DNAH11: variants seen among roughly 807,000 people sequenced by gnomAD.
DNAH11 encodes the protein dynein axonemal heavy chain 11.
Under a neutral mutation model 526.0 loss-of-function variants are expected in DNAH11, and 442 were observed. The ratio of observed to expected loss-of-function variants is 0.84; its 90% CI spans 0.78 to 0.91. The LOEUF (loss-of-function observed/expected upper bound fraction) is 0.91. Among genes scored for constraint, DNAH11 ranks in the 40% least tolerant of loss-of-function variants. DNAH11 has a pLI of 0.00. For synonymous variants in DNAH11, 2,461 were observed against 1,935.9 expected (o/e 1.27, Z -7.12); for missense variants, 6,989 against 5,448.7 (o/e 1.28, Z -8.90).
chr7:21,570,302 A>C lies in DNAH11; in HGVS notation c.1425+3A>C. The C allele has an allele frequency of 6.3e-7, 1 of 1,584,048 alleles. No homozygotes were observed. ...TTGATCGTTTAATAAAAATAGAGGTATTCATTTTTTGATTTTATTTATTCA... is the reference window on the plus strand; with the variant it reads ...TTGATCGTTTAATAAAAATAGAGGTCTTCATTTTTTGATTTTATTTATTCA... On this transcript the variant is annotated splice_donor_region_variant and intron_variant, in intron 7 of 81. Transcript: ENST00000409508.
chr7:21,794,148 C>G (rs1788603596), intron 61 of DNAH11, among the ~76,000 whole-genome samples: 1 of 152,116 alleles, frequency 6.6e-6, no homozygotes, highest in South Asian at 2.1e-4. Flanking sequence ...TTCTGAATTG[C>G]TTTTCTGTAT....
intron 8 of DNAH11, among the ~76,000 whole-genome samples, chr7:21,574,466 A>G (rs1337012745): frequency 6.6e-6 from 1 of 152,006 alleles, no homozygotes; most frequent in Non-Finnish European, 1.5e-5. Context: ...ACCTGAGATT[A>G]TAGTTTCCAG....
At chr7:21,819,118 C>G (rs1789943321) in intron 65 of DNAH11, among the ~76,000 whole-genome samples, 2 of 152,190 alleles carry the variant, frequency 1.3e-5, no homozygotes, top group Admixed American at 6.5e-5. Context: ...CCTCTTCACA[C>G]AACCGACATT....
intron 1 of DNAH11, chr7:21,543,899 G>T (rs1046402622): frequency 7.3e-5 from 31 of 425,202 alleles, no homozygotes; most frequent in Non-Finnish European, 9.1e-5. Flanking sequence ...GGTGTTAGGC[G>T]CCAGGTGGGC....
intron 9 of DNAH11, among the ~76,000 whole-genome samples, chr7:21,587,385 T>C (rs1229801679): frequency 6.6e-6 from 1 of 152,144 alleles, no homozygotes; most frequent in African/African-American, 2.4e-5. Flanking sequence ...GTTGACTTCC[T>C]CTGCTTGCTA....
chr7:21,730,281 G>A (rs184516214), intron 45 of DNAH11, among the ~76,000 whole-genome samples: 70 of 152,304 alleles, frequency 4.6e-4, no homozygotes, highest in Non-Finnish European at 1.6e-4. Flanking sequence ...ACACACAATG[G>A]CATACAGGTT....
chr7:21,871,336 A>G (rs917786035), intron 73 of DNAH11, among the ~76,000 whole-genome samples: 2 of 152,224 alleles, frequency 1.3e-5, no homozygotes, highest in Admixed American at 6.5e-5. Context: ...GTGTTGCACA[A>G]GCATTGCTGT....
In DNAH11 at chr7:21,619,094, A is replaced by G; in HGVS notation, c.4255-6A>G. 1 of 1,613,146 alleles carries G rather than the reference A, an allele frequency of 6.2e-7. No homozygotes were observed. The highest frequency in any genetic ancestry group is 8.5e-7 in the Non-Finnish European group (1 of 1,179,478). On this transcript the variant is annotated splice_region_variant and splice_polypyrimidine_tract_variant and intron_variant, in intron 23 of 81. Transcript: ENST00000409508. The stretch of plus-strand genomic sequence containing the variant: ...TATAAAGTCTAACTTTTTTTCCCCC[A>G]ATCAGGTCAAGTTTTTAATAAATGA...
chr7:21,579,856 G>A (rs974337514), intron 8 of DNAH11, among the ~76,000 whole-genome samples: 3 of 152,186 alleles, frequency 2.0e-5, no homozygotes, highest in Non-Finnish European at 4.4e-5. Context: ...TAGTTAGAAA[G>A]TGATTAACAG....
At chr7:21,777,384 A>G (rs1787724199) in intron 56 of DNAH11, among the ~76,000 whole-genome samples, 1 of 151,880 alleles carries the variant, frequency 6.6e-6, no homozygotes, top group African/African-American at 2.4e-5. Context: ...GCTGTTATGA[A>G]TACCCGTGTA....
At position 21,558,926 on chromosome 7, in the gene DNAH11, C is replaced by T. The variant is rs368290036; in HGVS notation, c.620C>T (p.Ser207Phe). 1 of 1,598,274 alleles carries T rather than the reference C, an allele frequency of 6.3e-7. No homozygotes were observed. Residue 207 changes from serine to phenylalanine, a missense_variant, in exon 3 of 82, where the codon TCT becomes TTT. Ser to Phe is a radical substitution (Grantham distance 155). Coordinates refer to ENST00000409508, the MANE Select transcript of DNAH11 (RefSeq NM_001277115.2). ...KKMYIFRGKM[S>F]RRTLLPIPTV... is the part of the protein sequence containing the mutation. Reference sequence around the variant, plus strand: ...ATGTATATTTTTAGGGGCAAAATGTCTAGAAGAACTCTTCTACCAATTCCC... The same window carrying T: ...ATGTATATTTTTAGGGGCAAAATGTTTAGAAGAACTCTTCTACCAATTCCC...
In DNAH11 at chr7:21,787,540, C is replaced by T; in HGVS notation, c.9881C>T (p.Ala3294Val). 6.2e-7 allele frequency: 1 copy of T among 1,613,292 alleles called. No homozygotes were observed. Among genetic ancestry groups the T allele is most frequent in the Non-Finnish European group, 8.5e-7 (1 of 1,179,610 alleles). ...ATTCGAACCAAATCTTTTGCAGCAG[C>T]TGGCCTGTGTGCCTGGGTCATCAAC... ...NLIRTKSFAA[A>V]GLCAWVINII... The change falls in exon 60 of 82, where the codon GCT (alanine) becomes GTT (valine). Residue 3294 changes from alanine to valine, a missense_variant. By Grantham distance (64) the Ala-to-Val change is moderately conservative. Coordinates refer to ENST00000409508, the MANE Select transcript of DNAH11 (RefSeq NM_001277115.2).
At chr7:21,720,664 T>C in intron 43 of DNAH11, 61 bp from the exon 44 acceptor site, 1 of 1,482,688 alleles carries the variant, frequency 6.7e-7, no homozygotes, top group South Asian at 1.3e-5. Context: ...TGTAAAAATA[T>C]TCTTTGAACT....
intron 30 of DNAH11, among the ~76,000 whole-genome samples, chr7:21,674,661 T>G (rs754443461): frequency 6.6e-5 from 10 of 152,098 alleles, no homozygotes; most frequent in Non-Finnish European, 1.5e-4. Flanking sequence ...CTCTTTTCTT[T>G]TTTCACACAT....
chr7:21,709,159 A>G (rs1784373910), intron 40 of DNAH11, among the ~76,000 whole-genome samples: 1 of 152,212 alleles, frequency 6.6e-6, no homozygotes, highest in Non-Finnish European at 1.5e-5. Flanking sequence ...CACAATAGCA[A>G]AGACGTGGAA....
intron 61 of DNAH11, among the ~76,000 whole-genome samples, chr7:21,800,252 G>A (rs540724774): frequency 2.6e-5 from 4 of 152,148 alleles, no homozygotes; most frequent in South Asian, 2.1e-4. Context: ...CTCTTTAAAC[G>A]CAGCCCTGTG....
intron 63 of DNAH11, among the ~76,000 whole-genome samples, chr7:21,813,756 A>G (rs1789638254): frequency 6.6e-6 from 1 of 152,172 alleles, no homozygotes; most frequent in Admixed American, 6.6e-5. Flanking sequence ...ACATGTTGAC[A>G]CTACTTAATA....
chr7:21,708,067 G>T (rs917211229), intron 40 of DNAH11, among the ~76,000 whole-genome samples: 1 of 152,130 alleles, frequency 6.6e-6, no homozygotes. Context: ...TTTATCCCAC[G>T]TCAATTATGT....
intron 65 of DNAH11, among the ~76,000 whole-genome samples, chr7:21,825,168 G>T (rs937112906): frequency 6.6e-6 from 1 of 152,124 alleles, no homozygotes; most frequent in African/African-American, 2.4e-5. Context: ...ACCACACCGG[G>T]TCTATTACTG....
Sources: gnomAD v4.1 joint callset for allele counts (sites outside exome capture counted in the v4.1 genomes callset) on GRCh38, gnomAD v4.1.1 for gene constraint, MANE v1.5 for transcripts, NCBI Gene and HGNC (gene_info 2026-07-23, HGNC 2026-07-21) for gene names.